Variants in BBS9 observed in about 807,000 individuals in gnomAD.
BBS9 encodes the protein Bardet-Biedl syndrome 9, also known as protein PTHB1.
Under a neutral mutation model 117.7 loss-of-function variants are expected in BBS9, and 89 were observed. The observed-to-expected ratio is 0.76, with a 90% CI of 0.64 to 0.90. The LOEUF (loss-of-function observed/expected upper bound fraction) is 0.90, where lower values mean the gene tolerates loss of function less well. BBS9 is among the 40% of genes least tolerant of loss of function. The pLI, the probability that BBS9 is intolerant of heterozygous loss-of-function variation, is 0.00. For missense variants in BBS9, 982 were observed against 1,042.2 expected, an observed-to-expected ratio of 0.94 and a Z score of 0.80; for synonymous variants, 379 against 370.9, an observed-to-expected ratio of 1.02 and a Z score of -0.25.
intron 9 of BBS9, 71 bp from the exon 10 acceptor site, chr7:33,336,370 A>G: frequency 8.4e-7 from 1 of 1,191,362 alleles, no homozygotes; most frequent in South Asian, 1.3e-5. Flanking sequence ...GAATTGAGTA[A>G]AAATGTAGTT....
At position 33,264,295 on chromosome 7, in the gene BBS9, A is replaced by C. The variant is rs537007633; in HGVS notation, c.623A>C (p.Gln208Pro). 1.3e-6 allele frequency: 2 copies of C among 1,534,722 alleles called. No individual in the cohort carries two copies. Among genetic ancestry groups the C allele is most frequent in the Non-Finnish European group, 1.8e-6 (2 of 1,138,340 alleles). The change falls in exon 7 of 23, where the codon CAG becomes CCG. Residue 208 changes from glutamine to proline, a missense_variant. Physicochemically the swap from Gln to Pro is moderately conservative, Grantham distance 76. Coordinates refer to ENST00000242067, the MANE Select transcript of BBS9 (RefSeq NM_198428.3). ...TTTAAATTTCTTTCATACAGGTACC[A>C]GGTACTTGCTTTTGCAACAGATGCA... The part of the protein sequence containing the change: ...SCQQVESYKY[Q>P]VLAFATDADK...
intron 19 of BBS9, among the ~76,000 whole-genome samples, chr7:33,483,224 C>G (rs957112577): frequency 1.3e-4 from 20 of 152,286 alleles, no homozygotes; most frequent in Admixed American, 1.3e-3. Context: ...AATAGTGACC[C>G]TGTATATTGA....
At position 33,468,168 on chromosome 7, in the gene BBS9, A is replaced by G. The variant is rs1011280566; in HGVS notation, c.2116-37295A>G. 1.1e-4 allele frequency among the ~76,000 whole-genome samples: 16 copies of G among 152,312 alleles called. No individual in the cohort carries two copies. In the East Asian group the frequency reaches 2.9e-3, roughly 28 times the overall value. On this transcript the variant is annotated intron_variant, in intron 19 of 22. Coordinates refer to ENST00000242067, the MANE Select transcript of BBS9 (RefSeq NM_198428.3). Reference sequence around the variant, plus strand: ...GAGAGAGATCGGGGGTAGATAAAATAGCTAGGTAAAGTAGTGAGGAAGAAG... The same window carrying G: ...GAGAGAGATCGGGGGTAGATAAAATGGCTAGGTAAAGTAGTGAGGAAGAAG...
In BBS9 at chr7:33,212,015, C is replaced by T. The variant is rs1002949480; in HGVS notation, c.442+34424C>T. ...TTTACGATTTTTTCTGTATCGTTGA[C>T]CTTCAGGAGTTTGATTATTAGATGC... is the stretch of plus-strand genomic sequence containing the variant. On this transcript the variant is annotated intron_variant, in intron 5 of 22. Transcript: ENST00000242067. Among the ~76,000 whole-genome samples, 4 of 152,222 alleles carry T rather than the reference C, an allele frequency of 2.6e-5. No individual in the cohort carries two copies. In the East Asian group the frequency reaches 7.7e-4, roughly 29 times the overall value.
chr7:33,443,211 A>T (rs939266897), intron 19 of BBS9, among the ~76,000 whole-genome samples: 2 of 152,156 alleles, frequency 1.3e-5, no homozygotes, highest in African/African-American at 4.8e-5. Context: ...CAAACCCTTC[A>T]ATCCTAACTG....
At chr7:33,479,147 G>T (rs1447986567) in intron 19 of BBS9, among the ~76,000 whole-genome samples, 1 of 151,946 alleles carries the variant, frequency 6.6e-6, no homozygotes, top group Non-Finnish European at 1.5e-5. Context: ...TTTTCTACGT[G>T]GGTAAATTGT....
At chr7:33,617,666 A>G (rs1213968142) in intron 21 of BBS9, among the ~76,000 whole-genome samples, 1 of 152,210 alleles carries the variant, frequency 6.6e-6, no homozygotes, top group Non-Finnish European at 1.5e-5. Flanking sequence ...AAAACAATGC[A>G]TGAAGAAAAT....
At chr7:33,433,461 G>C (rs1215089221) in intron 19 of BBS9, among the ~76,000 whole-genome samples, 2 of 152,178 alleles carry the variant, frequency 1.3e-5, no homozygotes, top group Non-Finnish European at 2.9e-5. Flanking sequence ...TTTCTAGACT[G>C]TACTTGCATT....
At chr7:33,415,792 T>C (rs749862999) in intron 19 of BBS9, among the ~76,000 whole-genome samples, 2 of 152,200 alleles carry the variant, frequency 1.3e-5, no homozygotes, top group African/African-American at 4.8e-5. Flanking sequence ...TGATCAGACA[T>C]TATAATTGGC....
At chr7:33,149,641 A>G (rs1046675747) in intron 2 of BBS9, among the ~76,000 whole-genome samples, 1 of 151,908 alleles carries the variant, frequency 6.6e-6, no homozygotes, top group Non-Finnish European at 1.5e-5. Flanking sequence ...GTTTATTTCT[A>G]GAATTGGAGT....
chr7:33,526,805 T>C (rs1849586245), intron 20 of BBS9, among the ~76,000 whole-genome samples: 1 of 152,012 alleles, frequency 6.6e-6, no homozygotes, highest in Non-Finnish European at 1.5e-5. Flanking sequence ...CTGCGTTCCT[T>C]TGGAGGAGGA....
chr7:33,154,420 G>A (rs999010089), intron 3 of BBS9, among the ~76,000 whole-genome samples: 5 of 152,100 alleles, frequency 3.3e-5, no homozygotes, highest in African/African-American at 9.7e-5. Context: ...CTAAACAGGC[G>A]TTGTACACTG....
intron 11 of BBS9, among the ~76,000 whole-genome samples, chr7:33,341,413 G>A (rs1816530042): frequency 1.3e-5 from 2 of 151,872 alleles, no homozygotes; most frequent in African/African-American, 4.8e-5. Flanking sequence ...ATACATTATG[G>A]TGGTGGTGGT....
At chr7:33,332,409 G>A (rs373985211) in intron 9 of BBS9, among the ~76,000 whole-genome samples, 6 of 152,142 alleles carry the variant, frequency 3.9e-5, no homozygotes, top group African/African-American at 4.8e-5. Context: ...GCCAGGTGTG[G>A]GGCTCACGCC....
At chr7:33,295,644 A>G (rs1805104559) in intron 9 of BBS9, among the ~76,000 whole-genome samples, 1 of 152,072 alleles carries the variant, frequency 6.6e-6, no homozygotes, top group South Asian at 2.1e-4. Context: ...TTTAGAAAAC[A>G]CTGACATTGA....
intron 15 of BBS9, among the ~76,000 whole-genome samples, chr7:33,353,076 G>A (rs573793738): frequency 1.3e-4 from 20 of 152,066 alleles, no homozygotes; most frequent in East Asian, 9.7e-4. Context: ...TAGTTGTTTC[G>A]GAGTCATGAG....
chr7:33,335,121 AT>A, intron 9 of BBS9, among the ~76,000 whole-genome samples: 1 of 152,232 alleles, frequency 6.6e-6, no homozygotes, highest in East Asian at 1.9e-4. Flanking sequence ...ATTTTTGTTC[AT>A]TCTAAATAAT....
intron 2 of BBS9, 43 bp downstream of exon 2, chr7:33,146,407 G>C (rs1341884136): frequency 1.3e-6 from 2 of 1,503,982 alleles, no homozygotes; most frequent in Admixed American, 1.7e-5. Context: ...AAGTTTTAAA[G>C]AGATCAAATA....
At chr7:33,164,925 G>A (rs553920263) in intron 4 of BBS9, among the ~76,000 whole-genome samples, 67 of 152,222 alleles carry the variant, frequency 4.4e-4, no homozygotes, top group African/African-American at 1.5e-3. Flanking sequence ...TCCTAGCATC[G>A]ATGGTCTTTA....
Sources: gnomAD v4.1 joint callset for allele counts (sites outside exome capture counted in the v4.1 genomes callset) on GRCh38, gnomAD v4.1.1 for gene constraint, MANE v1.5 for transcripts, NCBI Gene and HGNC (gene_info 2026-07-23, HGNC 2026-07-21) for gene names.